The following NAALADL2 variants were observed in gnomAD, a reference collection of about 807,000 sequenced individuals.
NAALADL2 encodes inactive N-acetylated-alpha-linked acidic dipeptidase-like protein 2.
NAALADL2 carries 76 observed loss-of-function variants against 87.2 expected under a neutral mutation model. The ratio of observed to expected loss-of-function variants is 0.87; its 90% CI spans 0.72 to 1.05. The LOEUF is 1.05. NAALADL2 is among the 50% of genes least tolerant of loss of function. The pLI is 0.00. For synonymous variants in NAALADL2, 354 were observed against 331.0 expected (o/e 1.07, Z -0.75); for missense variants, 1,089 against 945.8 (o/e 1.15, Z -1.99).
intron 9 of NAALADL2, among the ~76,000 whole-genome samples, chr3:175,524,232 T>C (rs1733079609): frequency 6.6e-6 from 1 of 152,202 alleles, no homozygotes; most frequent in Non-Finnish European, 1.5e-5. Context: ...TTTAGGAAGA[T>C]GTGAATTCAA....
At chr3:175,019,237 T>TCAA (rs1411889418) in intron 1 of NAALADL2, among the ~76,000 whole-genome samples, 1 of 152,068 alleles carries the variant, frequency 6.6e-6, no homozygotes, top group African/African-American at 2.4e-5. Context: ...CATACTTGTT[T>TCAA]CATCTACAGC....
At chr3:175,221,586 C>T (rs190432900) in intron 2 of NAALADL2, among the ~76,000 whole-genome samples, 1 of 151,970 alleles carries the variant, frequency 6.6e-6, no homozygotes, top group East Asian at 1.9e-4. Context: ...TTTTTTGGTA[C>T]CTTCAAGTTT....
At chr3:174,884,788 G>A (rs1267706383) in intron 1 of NAALADL2, among the ~76,000 whole-genome samples, 2 of 152,082 alleles carry the variant, frequency 1.3e-5, no homozygotes, top group Non-Finnish European at 2.9e-5. Context: ...GAAAACTCAA[G>A]CAGTTCTTTT....
At chr3:174,582,176 CTTG>C (rs1374254591) in intron 2 of NAALADL2, among the ~76,000 whole-genome samples, 1 of 152,120 alleles carries the variant, frequency 6.6e-6, no homozygotes, top group Non-Finnish European at 1.5e-5. Flanking sequence ...TAGGTTGCCA[CTTG>C]TGATCTTCAA....
At chr3:175,106,827 A>G (rs766501620) in intron 2 of NAALADL2, among the ~76,000 whole-genome samples, 1 of 152,112 alleles carries the variant, frequency 6.6e-6, no homozygotes, top group Non-Finnish European at 1.5e-5. Context: ...AATTTCATCT[A>G]AAACCATTAA....
At chr3:175,657,314 A>G (rs552667037) in intron 11 of NAALADL2, among the ~76,000 whole-genome samples, 28 of 152,308 alleles carry the variant, frequency 1.8e-4, no homozygotes, top group Admixed American at 5.2e-4. Flanking sequence ...TAATCACTAT[A>G]ATTTGTGTTC....
chr3:174,926,539 G>A (rs958682782), intron 1 of NAALADL2, among the ~76,000 whole-genome samples: 1 of 152,184 alleles, frequency 6.6e-6, no homozygotes, highest in East Asian at 1.9e-4. Flanking sequence ...GAAGAGAGTG[G>A]GGGCCAATAT....
intron 2 of NAALADL2, among the ~76,000 whole-genome samples, chr3:175,107,497 C>T (rs1185499062): frequency 6.9e-6 from 1 of 145,004 alleles, no homozygotes; most frequent in South Asian, 2.1e-4. Flanking sequence ...CATACACAAG[C>T]ACGAACACAC....
At chr3:174,482,482 T>C (rs1717613941) in intron 1 of NAALADL2, among the ~76,000 whole-genome samples, 1 of 152,074 alleles carries the variant, frequency 6.6e-6, no homozygotes, top group Non-Finnish European at 1.5e-5. Flanking sequence ...AAAGTACTGC[T>C]TCATTTTACT....
At chr3:175,280,788 A>T (rs534637587) in intron 4 of NAALADL2, among the ~76,000 whole-genome samples, 1 of 152,180 alleles carries the variant, frequency 6.6e-6, no homozygotes, top group South Asian at 2.1e-4. Context: ...AACAATGAAT[A>T]GATGTCTGTT....
At chr3:175,090,657 T>TTAGTGA (rs1719927261) in intron 1 of NAALADL2, among the ~76,000 whole-genome samples, 1 of 152,026 alleles carries the variant, frequency 6.6e-6, no homozygotes, top group Non-Finnish European at 1.5e-5. Context: ...TACATGTCAT[T>TTAGTGA]TAGTGATCAA....
intron 1 of NAALADL2, among the ~76,000 whole-genome samples, chr3:174,939,322 T>A (rs1342151115): frequency 1.3e-5 from 2 of 152,104 alleles, no homozygotes; most frequent in African/African-American, 2.4e-5. Context: ...GTCATAGGTA[T>A]GTGGCCTTAT....
intron 1 of NAALADL2, among the ~76,000 whole-genome samples, chr3:175,003,434 G>T (rs1748514321): frequency 1.3e-5 from 2 of 152,178 alleles, no homozygotes; most frequent in Non-Finnish European, 2.9e-5. Flanking sequence ...CAGAGGCATA[G>T]GTGTGAGAGG....
In NAALADL2 at chr3:175,576,113, G is replaced by A; in HGVS notation, c.1726G>A (p.Asp576Asn). The A allele has an allele frequency of 6.2e-7, 1 of 1,613,516 alleles. No individual in the cohort carries two copies. Among genetic ancestry groups the A allele is most frequent in the African/African-American group, 1.3e-5 (1 of 75,058 alleles). ...TNISSIQIQG[D>N]ADYFINHLGV... ...TATCAGTTCTATACAGATACAAGGT[G>A]ATGCTGATTATTTCATCAACCATCT... Residue 576 changes from aspartate (D) to asparagine (N), a missense_variant, in exon 10 of 14, where the codon GAT (aspartate) becomes AAT (asparagine). Transcript: ENST00000454872.
At chr3:174,894,362 G>A (rs559352910) in intron 1 of NAALADL2, among the ~76,000 whole-genome samples, 6 of 151,852 alleles carry the variant, frequency 4.0e-5, no homozygotes, top group South Asian at 4.2e-4. Context: ...AGGCCAAGAC[G>A]GGTGGATCAC....
intron 9 of NAALADL2, among the ~76,000 whole-genome samples, chr3:175,492,518 G>A (rs574133396): frequency 2.0e-5 from 3 of 152,288 alleles, no homozygotes; most frequent in Admixed American, 6.5e-5. Context: ...TCTTGATTAT[G>A]AATATCTGAT....
chr3:175,781,710 T>A (rs939598514), intron 13 of NAALADL2, among the ~76,000 whole-genome samples: 3 of 151,958 alleles, frequency 2.0e-5, no homozygotes, highest in Non-Finnish European at 4.4e-5. Context: ...CGCTTTTATT[T>A]TTTTTATTTT....
intron 11 of NAALADL2, chr3:175,718,692 A>G: frequency 1.3e-6 from 2 of 1,513,284 alleles, no homozygotes; most frequent in Non-Finnish European, 1.8e-6. Context: ...GTATTTTTAT[A>G]GAGATGGAAG....
At chr3:174,910,125 G>T (rs554745155) in intron 1 of NAALADL2, among the ~76,000 whole-genome samples, 1 of 151,820 alleles carries the variant, frequency 6.6e-6, no homozygotes, top group Non-Finnish European at 1.5e-5. Context: ...ATTTTTTAGA[G>T]ATTGGCTTTA....
Sources: allele counts gnomAD v4.1 joint callset (sites outside exome capture counted in the v4.1 genomes callset), GRCh38; gene constraint gnomAD v4.1.1; transcripts MANE v1.5; gene names NCBI Gene and HGNC (gene_info 2026-07-23, HGNC 2026-07-21).